Variants in LRP1B observed in about 807,000 individuals in gnomAD.
LRP1B encodes the protein low-density lipoprotein receptor-related protein 1B.
Under a neutral mutation model 556.6 loss-of-function variants are expected in LRP1B, and 217 were observed. That is an observed-to-expected ratio of 0.39 (90% CI 0.35 to 0.44). The LOEUF (loss-of-function observed/expected upper bound fraction) is 0.44, where lower values mean the gene tolerates loss of function less well. LRP1B is among the 20% of genes least tolerant of loss of function. The pLI is 1.00. For missense variants in LRP1B, 5,053 were observed against 5,620.8 expected, an observed-to-expected ratio of 0.90 and a Z score of 3.23; for synonymous variants, 2,047 against 1,865.8, an observed-to-expected ratio of 1.10 and a Z score of -2.50.
At chr2:140,530,445 T>C (rs566373415) in intron 47 of LRP1B, among the ~76,000 whole-genome samples, 1 of 152,182 alleles carries the variant, frequency 6.6e-6, no homozygotes, top group African/African-American at 2.4e-5. Flanking sequence ...CACATTTGCA[T>C]AATATAAGTC....
At chr2:141,078,440 C>T (rs1330477651) in intron 7 of LRP1B, among the ~76,000 whole-genome samples, 4 of 152,168 alleles carry the variant, frequency 2.6e-5, no homozygotes, top group East Asian at 1.9e-4. Context: ...GAATGGCTTG[C>T]CCTGTGGCAT....
At chr2:140,669,588 T>C (rs922907639) in intron 41 of LRP1B, among the ~76,000 whole-genome samples, 1 of 152,192 alleles carries the variant, frequency 6.6e-6, no homozygotes, top group Non-Finnish European at 1.5e-5. Context: ...AATCATGATG[T>C]CTTTACCATG....
intron 67 of LRP1B, among the ~76,000 whole-genome samples, chr2:140,383,561 C>A (rs1274698592): frequency 6.6e-6 from 1 of 152,052 alleles, no homozygotes; most frequent in Non-Finnish European, 1.5e-5. Context: ...TATCTTCAAG[C>A]CCTATTCAAT....
chr2:140,602,506 G>A (rs543093702), intron 41 of LRP1B, among the ~76,000 whole-genome samples: 10 of 151,984 alleles, frequency 6.6e-5, no homozygotes, highest in South Asian at 6.2e-4. Context: ...AACAAAGAAC[G>A]TATACACTTT....
At chr2:141,697,634 G>A (rs940676306) in intron 2 of LRP1B, among the ~76,000 whole-genome samples, 1 of 151,998 alleles carries the variant, frequency 6.6e-6, no homozygotes, top group East Asian at 1.9e-4. Context: ...TGTATACCAG[G>A]ATAGATCCCA....
chr2:141,166,492 G>A (rs892887692), intron 7 of LRP1B, among the ~76,000 whole-genome samples: 2 of 150,864 alleles, frequency 1.3e-5, no homozygotes, highest in African/African-American at 4.9e-5. Flanking sequence ...AGTAAATGGG[G>A]TATCCATCAC....
At chr2:141,238,388 T>G (rs1416424829) in intron 5 of LRP1B, among the ~76,000 whole-genome samples, 1 of 152,172 alleles carries the variant, frequency 6.6e-6, no homozygotes, top group Non-Finnish European at 1.5e-5. Flanking sequence ...ATTTATAAAG[T>G]AATTTCAGTT....
chr2:141,945,443 T>C (rs902710660), intron 1 of LRP1B, among the ~76,000 whole-genome samples: 1 of 152,074 alleles, frequency 6.6e-6, no homozygotes, highest in Admixed American at 6.6e-5. Context: ...TCTTAAGATA[T>C]GTATCATTTC....
chr2:140,559,372 T>C (rs1286797494), intron 43 of LRP1B, among the ~76,000 whole-genome samples: 2 of 152,098 alleles, frequency 1.3e-5, no homozygotes, highest in Non-Finnish European at 2.9e-5. Flanking sequence ...GTAGAATATA[T>C]TAAAAGTTCC....
intron 1 of LRP1B, among the ~76,000 whole-genome samples, chr2:141,894,817 A>C (rs1479100631): frequency 7.9e-5 from 12 of 152,076 alleles, no homozygotes; most frequent in Non-Finnish European, 2.9e-5. Context: ...TGGGAGGCTG[A>C]GGCAGACAGA....
chr2:141,089,198 G>C (rs1009396291), intron 7 of LRP1B, among the ~76,000 whole-genome samples: 1 of 152,116 alleles, frequency 6.6e-6, no homozygotes, highest in Non-Finnish European at 1.5e-5. Flanking sequence ...CACCCTTCAG[G>C]CACAGCGGGC....
At position 140,324,067 on chromosome 2, in the gene LRP1B, C is replaced by A. The variant is rs2105059688; in HGVS notation, c.12341-1G>T. ...TCGATCCTATGTGGATGTAATAAAC[C>A]TGGAATTTTAAAAAGGCAGTTATGA... On this transcript the variant is annotated splice_acceptor_variant, in intron 80 of 90. Transcript: ENST00000389484. LOFTEE classifies it high-confidence loss of function. 1 of 1,594,230 alleles carries A rather than the reference C, an allele frequency of 6.3e-7. No individual in the cohort carries two copies. The highest frequency in any genetic ancestry group is 8.6e-7 in the Non-Finnish European group (1 of 1,166,362).
intron 35 of LRP1B, among the ~76,000 whole-genome samples, chr2:140,743,794 C>T (rs1483132221): frequency 6.6e-6 from 1 of 151,338 alleles, no homozygotes; most frequent in Admixed American, 6.6e-5. Context: ...CCTGTCTCTA[C>T]TAAAAATACA....
intron 77 of LRP1B, among the ~76,000 whole-genome samples, chr2:140,339,047 G>A (rs10204627): frequency 3.2e-4 from 49 of 151,782 alleles, no homozygotes; most frequent in African/African-American, 1.2e-3. Flanking sequence ...TCAGACAGAC[G>A]ATTTCTTTTC....
chr2:140,853,198 T>C (rs759189777), intron 27 of LRP1B, among the ~76,000 whole-genome samples: 1 of 152,042 alleles, frequency 6.6e-6, no homozygotes, highest in African/African-American at 2.4e-5. Context: ...CAAACTCTCA[T>C]GTAGAGGTGC....
In LRP1B at chr2:141,568,611, A is replaced by G. The variant is rs144700407; in HGVS notation, c.206-88078T>C. The stretch of plus-strand genomic sequence containing the variant: ...TTTCATCTACAGATCTTTGATATCC[A>G]TGATATGGAATAGGCTGAGAAATAT... On this transcript the variant is annotated intron_variant, in intron 2 of 90. Transcript: ENST00000389484. Among the ~76,000 whole-genome samples the G allele has an allele frequency of 1.5e-3, 232 of 151,432 alleles. 2 individuals carry two copies. The highest frequency in any genetic ancestry group is 5.3e-3 in the African/African-American group (222 of 41,516).
chr2:141,764,273 C>T lies in LRP1B; in HGVS notation c.205+46006G>A, dbSNP rs375580971. 8.3e-3 allele frequency among the ~76,000 whole-genome samples: 1,256 copies of T among 152,164 alleles called. 23 individuals are homozygous for T. Among genetic ancestry groups the T allele is most frequent in the African/African-American group, 0.029 (1,200 of 41,538 alleles). ...TCGGCTCACTGCAAGCTCCGCCTCC[C>T]GGGTTCACGCCATTCTCCTGCCTCA... On this transcript the variant is annotated intron_variant, in intron 2 of 90. Transcript: ENST00000389484.
Position 142,065,693 on chromosome 2 carries a change from A to G in LRP1B, c.82+64955T>C, listed in dbSNP as rs1011041215. Reference sequence around the variant, plus strand: ...CAGGGAGGGCATTATTCTGCCTACTACATGTTACTCGTTTGGCCTCAAACT... The same window carrying G: ...CAGGGAGGGCATTATTCTGCCTACTGCATGTTACTCGTTTGGCCTCAAACT... On this transcript the variant is annotated intron_variant, in intron 1 of 90. Coordinates refer to ENST00000389484, the MANE Select transcript of LRP1B (RefSeq NM_018557.3). 3.3e-5 allele frequency among the ~76,000 whole-genome samples: 5 copies of G among 151,514 alleles called. No homozygotes were observed. In the East Asian group the frequency reaches 9.8e-4, roughly 30 times the overall value.
chr2:140,778,244 T>C (rs959918347), intron 32 of LRP1B, among the ~76,000 whole-genome samples: 2 of 152,158 alleles, frequency 1.3e-5, no homozygotes, highest in East Asian at 3.8e-4. Context: ...CATCATTTTA[T>C]CTTTGAAGAA....
Sources: allele counts gnomAD v4.1 joint callset (sites outside exome capture counted in the v4.1 genomes callset), GRCh38; gene constraint gnomAD v4.1.1; transcripts MANE v1.5; gene names NCBI Gene and HGNC (gene_info 2026-07-23, HGNC 2026-07-21).